PPP3CA: variants seen among roughly 807,000 people sequenced by gnomAD.
The protein encoded by PPP3CA is protein phosphatase 3 catalytic subunit alpha, also known as CAM-PRP catalytic subunit.
PPP3CA carries 14 observed loss-of-function variants against 66.5 expected under a neutral mutation model. The observed-to-expected ratio is 0.21, with a 90% confidence interval of 0.14 to 0.33. The LOEUF (loss-of-function observed/expected upper bound fraction) is 0.33, where lower values mean the gene tolerates loss of function less well. Ranked by LOEUF, PPP3CA falls within the 10% of genes least tolerant of loss-of-function variation. The pLI is 1.00. For synonymous variants in PPP3CA, 232 were observed against 226.2 expected, an observed-to-expected ratio of 1.03 and a Z score of -0.23; for missense variants, 317 against 639.5, an observed-to-expected ratio of 0.50 and a Z score of 5.44.
intron 2 of PPP3CA, among the ~76,000 whole-genome samples, chr4:101,120,280 T>C (rs911643836): frequency 2.0e-5 from 3 of 152,042 alleles, no homozygotes; most frequent in Non-Finnish European, 2.9e-5. Context: ...TGAAGACTGG[T>C]TGACGTTTCA....
chr4:101,056,941 A>G (rs1728249359), intron 10 of PPP3CA, among the ~76,000 whole-genome samples: 1 of 152,138 alleles, frequency 6.6e-6, no homozygotes, highest in South Asian at 2.1e-4. Flanking sequence ...TTCTTTGAGC[A>G]TCTTTAAGCA....
chr4:101,256,193 TA>T (rs1481299172), intron 1 of PPP3CA, among the ~76,000 whole-genome samples: 169 of 151,360 alleles, frequency 1.1e-3, no homozygotes, highest in African/African-American at 4.0e-3. Flanking sequence ...ATTAGCACAA[TA>T]AAAATGCTAT....
At chr4:101,219,240 T>C (rs1354878810) in intron 1 of PPP3CA, among the ~76,000 whole-genome samples, 3 of 152,008 alleles carry the variant, frequency 2.0e-5, no homozygotes, top group Non-Finnish European at 2.9e-5. Flanking sequence ...AGATTATTCT[T>C]CTACTTAATA....
chr4:101,291,806 T>C (rs897397761), intron 1 of PPP3CA, among the ~76,000 whole-genome samples: 1 of 152,130 alleles, frequency 6.6e-6, no homozygotes, highest in Non-Finnish European at 1.5e-5. Flanking sequence ...TTACCTCCAC[T>C]AGGCTTGACA....
intron 1 of PPP3CA, among the ~76,000 whole-genome samples, chr4:101,258,452 C>G (rs1047535191): frequency 6.6e-6 from 1 of 152,058 alleles, no homozygotes; most frequent in Non-Finnish European, 1.5e-5. Flanking sequence ...TATATGTTCC[C>G]TCAAATCTCT....
At chr4:101,167,857 G>C (rs1012973365) in intron 2 of PPP3CA, among the ~76,000 whole-genome samples, 3 of 152,162 alleles carry the variant, frequency 2.0e-5, no homozygotes, top group African/African-American at 7.2e-5. Context: ...GAATGAACAA[G>C]GGTAGCAGGA....
intron 1 of PPP3CA, among the ~76,000 whole-genome samples, chr4:101,321,977 A>C (rs1729054206): frequency 6.6e-6 from 1 of 152,208 alleles, no homozygotes; most frequent in Non-Finnish European, 1.5e-5. Flanking sequence ...CCTCAACTCC[A>C]ATTAAGAATA....
intron 1 of PPP3CA, among the ~76,000 whole-genome samples, chr4:101,210,929 G>C (rs941071019): frequency 2.6e-5 from 4 of 152,134 alleles, no homozygotes; most frequent in African/African-American, 9.7e-5. Flanking sequence ...CAGGCTCAAA[G>C]AGAGTAAGAG....
intron 1 of PPP3CA, 41 bp downstream of exon 1, chr4:101,346,698 C>T (rs991243488): frequency 6.4e-7 from 1 of 1,564,804 alleles, no homozygotes; most frequent in Admixed American, 1.7e-5. Context: ...CTGGCGCCTG[C>T]GGCACACGGT....
chr4:101,155,085 G>C (rs945260292), intron 2 of PPP3CA, among the ~76,000 whole-genome samples: 1 of 152,060 alleles, frequency 6.6e-6, no homozygotes, highest in Non-Finnish European at 1.5e-5. Flanking sequence ...AAAGTGCTGG[G>C]ATTACGGGCG....
chr4:101,126,780 A>T (rs1366129177), intron 2 of PPP3CA, among the ~76,000 whole-genome samples: 1 of 152,232 alleles, frequency 6.6e-6, no homozygotes, highest in Non-Finnish European at 1.5e-5. Context: ...CATTCCCAGA[A>T]GATCTCAAAA....
chr4:101,267,507 C>T (rs192258265), intron 1 of PPP3CA, among the ~76,000 whole-genome samples: 1 of 152,216 alleles, frequency 6.6e-6, no homozygotes, highest in Admixed American at 6.5e-5. Context: ...GCTACGACTC[C>T]TGCTTTTGAG....
chr4:101,239,707 G>A (rs1726240443), intron 1 of PPP3CA, among the ~76,000 whole-genome samples: 1 of 151,872 alleles, frequency 6.6e-6, no homozygotes, highest in Admixed American at 6.6e-5. Context: ...AAAATATGAA[G>A]GCATATTAAG....
Position 101,026,075 on chromosome 4 carries a change from C to G in PPP3CA, c.1370-14G>C, listed in dbSNP as rs761983464. The G allele has an allele frequency of 6.4e-7, 1 of 1,567,032 alleles. No homozygotes were observed. The highest frequency in any genetic ancestry group is 8.6e-7 in the Non-Finnish European group (1 of 1,157,368). On this transcript the variant is annotated splice_polypyrimidine_tract_variant and intron_variant, in intron 13 of 13. Transcript: ENST00000394854. ...ATCCTTTGATAGCTAAACAGAAAAT[C>G]ATTAAAAAAAGAAAACCAGGATTAT... is the stretch of plus-strand genomic sequence containing the variant.
chr4:101,304,882 C>A (rs376380505), intron 1 of PPP3CA, among the ~76,000 whole-genome samples: 1 of 152,034 alleles, frequency 6.6e-6, no homozygotes, highest in African/African-American at 2.4e-5. Context: ...ACAATCTATA[C>A]GAGACTAACT....
Position 101,025,683 on chromosome 4 carries a change from TTTA to T in PPP3CA, c.*179_*181del. 2.0e-6 allele frequency: 1 copy of T among 488,030 alleles called. No individual in the cohort carries two copies. Among genetic ancestry groups the T allele is most frequent in the Non-Finnish European group, 3.5e-6 (1 of 285,872 alleles). The allele number at this position is 488,030 out of a possible 1,614,324, so 30.2% of individuals were successfully genotyped here. On this transcript the variant is annotated 3_prime_UTR_variant, in exon 14 of 14. Transcript: ENST00000394854. ...AATCACCATCCCCACCAAAATATAG[TTTA>T]TTATCTCTCTCCCTCTTTTTTAATG...
intron 1 of PPP3CA, among the ~76,000 whole-genome samples, chr4:101,224,719 C>T (rs1220285216): frequency 6.6e-6 from 1 of 151,680 alleles, no homozygotes; most frequent in South Asian, 2.1e-4. Flanking sequence ...ATAAGGAAAT[C>T]GGGGCAGGGG....
At chr4:101,151,049 G>T (rs1324346315) in intron 2 of PPP3CA, among the ~76,000 whole-genome samples, 1 of 152,074 alleles carries the variant, frequency 6.6e-6, no homozygotes, top group African/African-American at 2.4e-5. Flanking sequence ...AAGTTCATAA[G>T]AAGACTTTAG....
chr4:101,344,423 A>C (rs542333787), intron 1 of PPP3CA, among the ~76,000 whole-genome samples: 6 of 152,354 alleles, frequency 3.9e-5, no homozygotes, highest in Admixed American at 1.3e-4. Context: ...AGGATAAACA[A>C]TAACAGTGTA....
Sources: gnomAD v4.1 joint callset for allele counts (sites outside exome capture counted in the v4.1 genomes callset) on GRCh38, gnomAD v4.1.1 for gene constraint, MANE v1.5 for transcripts, NCBI Gene and HGNC (gene_info 2026-07-23, HGNC 2026-07-21) for gene names.